MYO18A: variants seen among roughly 807,000 people sequenced by gnomAD.
MYO18A encodes the protein unconventional myosin-XVIIIa.
Under a neutral mutation model 235.8 loss-of-function variants are expected in MYO18A, and 78 were observed. The ratio of observed to expected loss-of-function variants is 0.33; its 90% confidence interval spans 0.28 to 0.40. MYO18A has a LOEUF of 0.40. MYO18A is among the 10% of genes least tolerant of loss of function. The pLI, the probability that MYO18A is intolerant of heterozygous loss-of-function variation, is 1.00. For missense variants in MYO18A, 2,215 were observed against 2,699.3 expected, an observed-to-expected ratio of 0.82 and a Z score of 3.98; for synonymous variants, 977 against 1,077.8, an observed-to-expected ratio of 0.91 and a Z score of 1.83.
intron 2 of MYO18A, among the ~76,000 whole-genome samples, chr17:29,160,747 G>C (rs568705647): frequency 6.6e-6 from 1 of 152,282 alleles, no homozygotes; most frequent in Non-Finnish European, 1.5e-5. Flanking sequence ...AACCTCATGA[G>C]GAACCCGACA....
At position 29,140,394 on chromosome 17, in the gene MYO18A, C is replaced by T. The variant is rs1277750983; in HGVS notation, c.1000-18141G>A. 9.3e-6 allele frequency: 12 copies of T among 1,284,018 alleles called. No individual in the cohort carries two copies. The highest frequency in any genetic ancestry group is 2.4e-5 in the Admixed American group (1 of 42,416). The allele number at this position is 1,284,018 out of a possible 1,614,324, so 79.5% of individuals were successfully genotyped here. A position where few individuals can be genotyped will look rare whatever the true frequency, so the allele number is the denominator to read the frequency against. On this transcript the variant is annotated intron_variant, in intron 2 of 41. Transcript: ENST00000527372. This position sits in a 1 kb window ranked among gnomAD's most constrained non-coding sequence, Gnocchi z 4.2. ...GCAAGGAGACTCCGCTCTGATGCTGCTCTGGCTCCGTTAGCAGCTCAAAAT... is the reference window on the plus strand; with the variant it reads ...GCAAGGAGACTCCGCTCTGATGCTGTTCTGGCTCCGTTAGCAGCTCAAAAT...
chr17:29,153,429 A>C (rs2067998439), intron 2 of MYO18A, among the ~76,000 whole-genome samples: 1 of 152,204 alleles, frequency 6.6e-6, no homozygotes, highest in African/African-American at 2.4e-5. Context: ...AGGCATGAAC[A>C]ACCACACTGG....
intron 1 of MYO18A, among the ~76,000 whole-genome samples, chr17:29,171,878 G>A (rs1481127834): frequency 6.7e-6 from 1 of 149,010 alleles, no homozygotes; most frequent in African/African-American, 2.5e-5. Context: ...GGGTAACAGA[G>A]TAAGACCCTG....
chr17:29,120,536 A>G lies in MYO18A; in HGVS notation c.1728+80T>C. On this transcript the variant is annotated intron_variant, in intron 7 of 41. Transcript: ENST00000527372. The surrounding 1 kb of genome is among the most constrained non-coding windows in gnomAD (Gnocchi z 4.2). ...GGGTAGAATCCCAGGAAAATGAGGC[A>G]TGGGAGAGAGCCTGATGTCTAGGTC... The G allele has an allele frequency of 6.6e-7, 1 of 1,514,620 alleles. No individual in the cohort carries two copies. The highest frequency in any genetic ancestry group is 1.4e-5 in the African/African-American group (1 of 72,580). The allele number at this position is 1,514,620 out of a possible 1,614,324, so 93.8% of individuals were successfully genotyped here.
At chr17:29,174,683 G>A (rs2068483212) in intron 1 of MYO18A, among the ~76,000 whole-genome samples, 1 of 151,822 alleles carries the variant, frequency 6.6e-6, no homozygotes, top group South Asian at 2.1e-4. Flanking sequence ...GCGTAGTGGC[G>A]CACCTGTAAT....
chr17:29,091,817 A>C, intron 34 of MYO18A: 1 of 374,420 alleles, frequency 2.7e-6, no homozygotes, highest in South Asian at 1.9e-5. Flanking sequence ...GTGATGCTCA[A>C]GGAGCTGCCT....
At chr17:29,148,249 T>C (rs1718600681) in intron 2 of MYO18A, among the ~76,000 whole-genome samples, 3 of 152,146 alleles carry the variant, frequency 2.0e-5, no homozygotes, top group Admixed American at 2.0e-4. Flanking sequence ...TAAAAAAAAG[T>C]CTATAAGCAC....
In MYO18A at chr17:29,072,202, C is replaced by CTTTTTTTTTT. The variant is rs35478786; in HGVS notation, c.*2558_*2567dup. The CTTTTTTTTTT allele has an allele frequency of 1.1e-5, 1 of 91,496 alleles. No individual in the cohort carries two copies. The allele number at this position is 91,496 out of a possible 1,614,324, so 5.7% of individuals were successfully genotyped here. A position where few individuals can be genotyped will look rare whatever the true frequency, so the allele number is the denominator to read the frequency against. On this transcript the variant is annotated 3_prime_UTR_variant, in exon 42 of 42. Coordinates refer to ENST00000527372, the MANE Select transcript of MYO18A (RefSeq NM_078471.4). ...ACAGAACTGAACATAAGCTAGCAGC[C>CTTTTTTTTTT]TTTTTTTTTTTTTTTTTTTTTTTGT...
At chr17:29,108,077 A>T (rs2066837449) in intron 19 of MYO18A, among the ~76,000 whole-genome samples, 1 of 151,568 alleles carries the variant, frequency 6.6e-6, no homozygotes, top group Non-Finnish European at 1.5e-5. Context: ...CGGCCCTCGC[A>T]CTTATCTCGA....
chr17:29,137,242 C>T (rs979635265), intron 2 of MYO18A, among the ~76,000 whole-genome samples: 1 of 152,228 alleles, frequency 6.6e-6, no homozygotes, highest in African/African-American at 2.4e-5. Flanking sequence ...ACCCATCTTA[C>T]TCATCATACT....
rs201409391 is a variant in MYO18A, at chr17:29,118,468, G to A, written c.1830-28C>T. ...AGGGGTACAAATAAGGCATCAGCAC[G>A]GCACTTGGTCCCCATGCCAAGGCCA... On this transcript the variant is annotated intron_variant, in intron 8 of 41. Transcript: ENST00000527372. This position sits in a 1 kb window ranked among gnomAD's most constrained non-coding sequence, Gnocchi z 4.2. 227 of 1,580,870 alleles carry A rather than the reference G, an allele frequency of 1.4e-4. No homozygotes were observed. The African/African-American group carries it at 2.7e-3, about 19-fold the overall frequency.
chr17:29,132,863 G>C (rs2067504224), intron 2 of MYO18A, among the ~76,000 whole-genome samples: 1 of 152,200 alleles, frequency 6.6e-6, no homozygotes, highest in Non-Finnish European at 1.5e-5. Context: ...GAGGGAGGAA[G>C]AGTGGCAGGG....
intron 2 of MYO18A, among the ~76,000 whole-genome samples, chr17:29,154,012 C>T (rs945086854): frequency 7.9e-5 from 12 of 152,154 alleles, no homozygotes; most frequent in Admixed American, 6.5e-4. Context: ...CAGCTGCTTT[C>T]CTCTGGACAG....
intron 2 of MYO18A, chr17:29,124,767 G>A: frequency 1.7e-6 from 2 of 1,159,632 alleles, no homozygotes; most frequent in East Asian, 1.3e-4. Context: ...TTCAGCAAGT[G>A]CTCCTGAGTC....
At chr17:29,136,251 ATATAT>A (rs374039890) in intron 2 of MYO18A, among the ~76,000 whole-genome samples, 1,666 of 66,174 alleles carry the variant, frequency 0.025, 11 homozygotes, top group Middle Eastern at 0.052. Context: ...AAAAAAAAAA[ATATAT>A]ATATATATAT....
At position 29,180,227 on chromosome 17, in the gene MYO18A, G is replaced by GCCCT. The variant is rs1430951519; in HGVS notation, c.-82+82_-82+85dup. 4.8e-4 allele frequency: 15 copies of GCCCT among 30,970 alleles called. No homozygotes were observed. The highest frequency in any genetic ancestry group is 4.0e-3 in the South Asian group (4 of 992). The allele number at this position is 30,970 out of a possible 1,614,324, so 1.9% of individuals were successfully genotyped here. ...AGCCGGCGGGCCCCGCCGCCCGCCC[G>GCCCT]CCCTCCCTCCCGGCCGGAGCCCGCC... is the stretch of plus-strand genomic sequence containing the variant. On this transcript the variant is annotated intron_variant, in intron 1 of 41. Coordinates refer to ENST00000527372, the MANE Select transcript of MYO18A (RefSeq NM_078471.4). This position sits in a 1 kb window ranked among gnomAD's most constrained non-coding sequence, Gnocchi z 6.1.
At chr17:29,167,056 C>G in intron 1 of MYO18A, 35 bp from the exon 2 acceptor site, 1 of 1,392,060 alleles carries the variant, frequency 7.2e-7, no homozygotes, top group South Asian at 1.6e-5. Flanking sequence ...AAAGGTTATT[C>G]GAACAGAGCC....
chr17:29,105,086 C>T (rs182164281), intron 20 of MYO18A, among the ~76,000 whole-genome samples: 13 of 144,634 alleles, frequency 9.0e-5, no homozygotes, highest in Admixed American at 7.2e-4. Context: ...GCAGGAGAAT[C>T]GTGTGAACCT....
At chr17:29,103,767 C>G (rs1852561548) in intron 20 of MYO18A, 103 bp from the exon 21 acceptor site, 1 of 1,126,344 alleles carries the variant, frequency 8.9e-7, no homozygotes. Context: ...CCTAGACAGT[C>G]TGTTATTCAT....
Sources: gnomAD v4.1 joint callset for allele counts (sites outside exome capture counted in the v4.1 genomes callset) on GRCh38, gnomAD v4.1.1 for gene constraint, Gnocchi (gnomAD v3.1) non-coding constraint, MANE v1.5 for transcripts, NCBI Gene and HGNC (gene_info 2026-07-23, HGNC 2026-07-21) for gene names.